Variants in DCC observed in about 807,000 individuals in gnomAD.
DCC encodes the protein netrin receptor DCC.
Under a neutral mutation model 172.5 loss-of-function variants are expected in DCC, and 58 were observed. The observed-to-expected ratio is 0.34, with a 90% CI of 0.27 to 0.42. The LOEUF (loss-of-function observed/expected upper bound fraction) is 0.42, where lower values mean the gene tolerates loss of function less well. Ranked by LOEUF, DCC falls within the 10% of genes least tolerant of loss-of-function variation. DCC has a pLI of 1.00. For missense variants in DCC, 1,740 were observed against 1,791.0 expected (o/e 0.97, Z 0.51); for synonymous variants, 709 against 644.5 (o/e 1.10, Z -1.52).
chr18:53,029,469 A>G (rs1417969789), intron 5 of DCC, among the ~76,000 whole-genome samples: 1 of 152,178 alleles, frequency 6.6e-6, no homozygotes, highest in Admixed American at 6.5e-5. Flanking sequence ...ATCACTGGGC[A>G]GAGTCAATTA....
At chr18:52,427,134 A>T (rs980569592) in intron 1 of DCC, among the ~76,000 whole-genome samples, 1 of 152,148 alleles carries the variant, frequency 6.6e-6, no homozygotes, top group Non-Finnish European at 1.5e-5. Context: ...CTAAGTACTT[A>T]CTACTGGAAG....
In DCC at chr18:52,869,467, A is replaced by G. The variant is rs140459291; in HGVS notation, c.413-36577A>G. Among the ~76,000 whole-genome samples the G allele has an allele frequency of 6.0e-4, 91 of 152,266 alleles. No individual in the cohort carries two copies. In the South Asian group the frequency reaches 9.5e-3, roughly 16 times the overall value. On this transcript the variant is annotated intron_variant, in intron 2 of 28. Transcript: ENST00000442544. ...TGGGTGGCCATAGGTGGGCCTGGAA[A>G]AGGCACCACAAGTTTCCACTCTGGT...
intron 1 of DCC, among the ~76,000 whole-genome samples, chr18:52,636,803 C>T (rs1223278501): frequency 6.6e-6 from 1 of 152,198 alleles, no homozygotes; most frequent in Non-Finnish European, 1.5e-5. Flanking sequence ...CCACTGGTCC[C>T]TCTCCATGCT....
chr18:52,555,478 T>C (rs543495737), intron 1 of DCC, among the ~76,000 whole-genome samples: 1 of 152,254 alleles, frequency 6.6e-6, no homozygotes, highest in South Asian at 2.1e-4. Flanking sequence ...TGTACATTTT[T>C]TTCTTTTGTT....
intron 7 of DCC, among the ~76,000 whole-genome samples, chr18:53,132,047 T>C (rs2043664756): frequency 6.9e-6 from 1 of 144,470 alleles, no homozygotes; most frequent in South Asian, 2.2e-4. Context: ...GTTTAGCAGA[T>C]AGCAAGCTTT....
At chr18:53,300,525 G>A (rs115671238) in intron 12 of DCC, among the ~76,000 whole-genome samples, 25 of 152,162 alleles carry the variant, frequency 1.6e-4, no homozygotes, top group African/African-American at 4.8e-4. Context: ...CTTATTTCTC[G>A]CATTAAAGTT....
At chr18:52,901,331 A>G (rs1235933037) in intron 2 of DCC, among the ~76,000 whole-genome samples, 3 of 151,914 alleles carry the variant, frequency 2.0e-5, no homozygotes, top group Non-Finnish European at 4.4e-5. Context: ...TACATGGGAG[A>G]CTGAGGTAGG....
intron 1 of DCC, among the ~76,000 whole-genome samples, chr18:52,636,014 T>C (rs2034772167): frequency 6.6e-6 from 1 of 152,140 alleles, no homozygotes; most frequent in African/African-American, 2.4e-5. Context: ...CCGCAAATAC[T>C]GTGAGCGCCC....
chr18:53,202,806 G>A (rs2055560988), intron 9 of DCC, among the ~76,000 whole-genome samples: 1 of 152,156 alleles, frequency 6.6e-6, no homozygotes, highest in Admixed American at 6.6e-5. Flanking sequence ...TTGTCTGAAT[G>A]CATAACCTAA....
At chr18:52,841,622 G>GA (rs2038809161) in intron 2 of DCC, among the ~76,000 whole-genome samples, 1 of 152,124 alleles carries the variant, frequency 6.6e-6, no homozygotes, top group Non-Finnish European at 1.5e-5. Context: ...AATTGTATTT[G>GA]AAAAGGCTGT....
chr18:52,539,505 A>T (rs1278373626), intron 1 of DCC, among the ~76,000 whole-genome samples: 1 of 152,204 alleles, frequency 6.6e-6, no homozygotes, highest in Non-Finnish European at 1.5e-5. Context: ...TTAGATTCTC[A>T]TAGGAGTACA....
rs141573835 is a variant in DCC, at chr18:52,979,170, A to G, written c.985+53800A>G. 4.2e-3 allele frequency among the ~76,000 whole-genome samples: 644 copies of G among 152,220 alleles called. 3 individuals are homozygous for G. The highest frequency in any genetic ancestry group is 0.014 in the African/African-American group (562 of 41,468). ...TTTGAAGTTGGAAGAGATGGAACAC[A>G]CTTATAGTCTGTTAAAAAATAGCCA... On this transcript the variant is annotated intron_variant, in intron 5 of 28. Coordinates refer to ENST00000442544, the MANE Select transcript of DCC (RefSeq NM_005215.4).
At chr18:53,343,833 C>T (rs1178887076) in intron 15 of DCC, among the ~76,000 whole-genome samples, 1 of 151,904 alleles carries the variant, frequency 6.6e-6, no homozygotes, top group Non-Finnish European at 1.5e-5. Flanking sequence ...ATTTTTTATA[C>T]AGATATAGGT....
intron 17 of DCC, among the ~76,000 whole-genome samples, chr18:53,396,847 A>G (rs1285713245): frequency 6.6e-6 from 1 of 152,198 alleles, no homozygotes; most frequent in African/African-American, 2.4e-5. Flanking sequence ...ATTAAGTTCA[A>G]TGCAGAAAAT....
At chr18:53,048,834 C>T (rs1476249019) in intron 5 of DCC, among the ~76,000 whole-genome samples, 1 of 151,818 alleles carries the variant, frequency 6.6e-6, no homozygotes, top group Non-Finnish European at 1.5e-5. Context: ...TCCACAACCT[C>T]ACCAGCACCT....
intron 5 of DCC, among the ~76,000 whole-genome samples, chr18:53,047,463 A>ATATAT (rs2042269092): frequency 2.4e-5 from 2 of 84,392 alleles, no homozygotes; most frequent in Admixed American, 1.3e-4. Context: ...ATATATATAT[A>ATATAT]CCATTTTTGC....
intron 1 of DCC, among the ~76,000 whole-genome samples, chr18:52,481,426 G>A (rs2029955871): frequency 6.6e-6 from 1 of 152,030 alleles, no homozygotes; most frequent in African/African-American, 2.4e-5. Context: ...ATTTTACCTG[G>A]CCAGGGAAAC....
chr18:52,785,286 T>C lies in DCC; in HGVS notation c.412+32912T>C, dbSNP rs1320566400. On this transcript the variant is annotated intron_variant, in intron 2 of 28. Coordinates refer to ENST00000442544, the MANE Select transcript of DCC (RefSeq NM_005215.4). ...CCTAGTTACTGCTGGCATTCACCTG[T>C]GCAAGCTCCCAGTTTGCTTGTCTGT... 3.3e-5 allele frequency among the ~76,000 whole-genome samples: 5 copies of C among 152,096 alleles called. 1 individual carries two copies. Among genetic ancestry groups the C allele is most frequent in the African/African-American group, 9.7e-5 (4 of 41,446 alleles).
At chr18:53,332,515 A>G (rs192508155) in intron 14 of DCC, among the ~76,000 whole-genome samples, 16 of 152,330 alleles carry the variant, frequency 1.1e-4, no homozygotes, top group Admixed American at 9.1e-4. Context: ...CACATGCATA[A>G]TAGGTCTCCA....
Sources: gnomAD v4.1 joint callset for allele counts (sites outside exome capture counted in the v4.1 genomes callset) on GRCh38, gnomAD v4.1.1 for gene constraint, MANE v1.5 for transcripts, NCBI Gene and HGNC (gene_info 2026-07-23, HGNC 2026-07-21) for gene names.